The following MACROD2 variants were observed in gnomAD, a reference collection of about 807,000 sequenced individuals.
MACROD2 encodes the protein ADP-ribose glycohydrolase MACROD2.
In MACROD2, 36 loss-of-function variants were observed where a neutral mutation model predicts 70.4. The observed-to-expected ratio is 0.51, with a 90% CI of 0.39 to 0.68. MACROD2 has a LOEUF of 0.68. Ranked by LOEUF, MACROD2 falls within the 30% of genes least tolerant of loss-of-function variation. The pLI is 0.00. For missense variants in MACROD2, 496 were observed against 538.4 expected (o/e 0.92, Z 0.78); for synonymous variants, 172 against 178.8 (o/e 0.96, Z 0.30).
chr20:14,115,724 G>C (rs1417618160), intron 3 of MACROD2, among the ~76,000 whole-genome samples: 1 of 152,152 alleles, frequency 6.6e-6, no homozygotes, highest in Admixed American at 6.5e-5. Flanking sequence ...GTGAAATTGA[G>C]ATTTGTGTAT....
intron 4 of MACROD2, among the ~76,000 whole-genome samples, chr20:14,510,689 ACT>A (rs372584851): frequency 1.2e-4 from 18 of 152,000 alleles, no homozygotes; most frequent in African/African-American, 4.1e-4. Context: ...TCTTCATCTG[ACT>A]CTCTATTCTT....
At chr20:14,316,486 C>T (rs1180555734) in intron 3 of MACROD2, among the ~76,000 whole-genome samples, 2 of 152,188 alleles carry the variant, frequency 1.3e-5, no homozygotes, top group African/African-American at 4.8e-5. Context: ...AGCCCATGGG[C>T]CACAGGCAGC....
At chr20:15,946,783 C>G (rs1230110598) in intron 12 of MACROD2, among the ~76,000 whole-genome samples, 1 of 152,140 alleles carries the variant, frequency 6.6e-6, no homozygotes, top group African/African-American at 2.4e-5. Context: ...GCCCAGGGGA[C>G]CAGCACTCAG....
intron 5 of MACROD2, among the ~76,000 whole-genome samples, chr20:14,862,806 C>G (rs1217660611): frequency 7.0e-6 from 1 of 143,826 alleles, no homozygotes; most frequent in South Asian, 2.2e-4. Context: ...CCAGTCCTTC[C>G]TAATGGGCAC....
At chr20:14,045,064 CTTG>C (rs1268708484) in intron 2 of MACROD2, among the ~76,000 whole-genome samples, 1 of 152,220 alleles carries the variant, frequency 6.6e-6, no homozygotes, top group Non-Finnish European at 1.5e-5. Flanking sequence ...TGCGGGCCGG[CTTG>C]CCGCTCCGAG....
intron 3 of MACROD2, among the ~76,000 whole-genome samples, chr20:14,153,247 A>C (rs1362801367): frequency 6.6e-6 from 1 of 152,212 alleles, no homozygotes; most frequent in Non-Finnish European, 1.5e-5. Flanking sequence ...TGAAAAGAAA[A>C]CAATCTTTTC....
chr20:14,147,785 A>C (rs968582793), intron 3 of MACROD2, among the ~76,000 whole-genome samples: 1 of 152,176 alleles, frequency 6.6e-6, no homozygotes, highest in East Asian at 1.9e-4. Context: ...AGATCATTTG[A>C]AAAACAGTCA....
intron 3 of MACROD2, among the ~76,000 whole-genome samples, chr20:14,396,407 A>C (rs575391231): frequency 1.5e-4 from 23 of 152,222 alleles, no homozygotes; most frequent in Non-Finnish European, 3.1e-4. Flanking sequence ...TAGGCATAAA[A>C]GTCTAGGATA....
chr20:15,410,330 G>A (rs1435597485), intron 6 of MACROD2, among the ~76,000 whole-genome samples: 2 of 152,114 alleles, frequency 1.3e-5, no homozygotes, highest in African/African-American at 4.8e-5. Flanking sequence ...ATTAATTTTT[G>A]AGCAGATAGT....
At chr20:15,538,788 A>G (rs1442099799) in intron 8 of MACROD2, among the ~76,000 whole-genome samples, 1 of 152,184 alleles carries the variant, frequency 6.6e-6, no homozygotes, top group African/African-American at 2.4e-5. Flanking sequence ...TCAATACTGT[A>G]GTTTGAATAT....
chr20:15,456,358 T>A (rs1045714409), intron 7 of MACROD2, among the ~76,000 whole-genome samples: 10 of 152,176 alleles, frequency 6.6e-5, no homozygotes, highest in African/African-American at 2.4e-4. Context: ...AGTTTGGAGT[T>A]CTCTTCTGCT....
At chr20:14,842,813 T>G (rs975048328) in intron 5 of MACROD2, among the ~76,000 whole-genome samples, 10 of 152,116 alleles carry the variant, frequency 6.6e-5, no homozygotes, top group African/African-American at 2.2e-4. Context: ...CACTGAAGTC[T>G]TCAGTGAAAC....
At chr20:14,125,009 A>T (rs1455787560) in intron 3 of MACROD2, among the ~76,000 whole-genome samples, 6 of 152,178 alleles carry the variant, frequency 3.9e-5, no homozygotes, top group Non-Finnish European at 8.8e-5. Context: ...TACAATGTAG[A>T]TGAATCTCAA....
In MACROD2 at chr20:14,603,580, G is replaced by A. The variant is rs527628143; in HGVS notation, c.302-81263G>A. ...AATTCTTAATTATAAAGGAAGGATG[G>A]TTGGTAAGAAAAATGGGTAATGATT... On this transcript the variant is annotated intron_variant, in intron 4 of 17. Coordinates refer to ENST00000684519, the MANE Select transcript of MACROD2 (RefSeq NM_001351661.2). 7.2e-5 allele frequency among the ~76,000 whole-genome samples: 11 copies of A among 152,270 alleles called. 1 individual carries two copies. The South Asian group carries it at 2.3e-3, about 32-fold the overall frequency.
At chr20:15,110,103 T>G (rs1170901688) in intron 5 of MACROD2, among the ~76,000 whole-genome samples, 2 of 152,208 alleles carry the variant, frequency 1.3e-5, no homozygotes, top group East Asian at 1.9e-4. Context: ...GTCTAGTGAG[T>G]GAGTGCAGCT....
intron 8 of MACROD2, among the ~76,000 whole-genome samples, chr20:15,854,036 C>A (rs1383442518): frequency 6.6e-6 from 1 of 152,104 alleles, no homozygotes; most frequent in African/African-American, 2.4e-5. Context: ...CTCCAAGATG[C>A]CAATATGATC....
intron 8 of MACROD2, among the ~76,000 whole-genome samples, chr20:15,812,906 A>G (rs1166421119): frequency 6.6e-6 from 1 of 152,216 alleles, no homozygotes; most frequent in African/African-American, 2.4e-5. Context: ...TATGACAGAG[A>G]AATGTGAATA....
intron 15 of MACROD2, among the ~76,000 whole-genome samples, chr20:16,024,880 G>GT (rs1458824438): frequency 6.6e-6 from 1 of 152,088 alleles, no homozygotes; most frequent in South Asian, 2.1e-4. Context: ...ACTCTGCTGG[G>GT]TTTTTTTCCT....
intron 5 of MACROD2, among the ~76,000 whole-genome samples, chr20:14,766,727 T>A (rs147444951): frequency 6.6e-6 from 1 of 152,236 alleles, no homozygotes; most frequent in South Asian, 2.1e-4. Flanking sequence ...TAAATTAGTT[T>A]GTCATCTCAA....
Sources: gnomAD v4.1 joint callset for allele counts (sites outside exome capture counted in the v4.1 genomes callset) on GRCh38, gnomAD v4.1.1 for gene constraint, MANE v1.5 for transcripts, NCBI Gene and HGNC (gene_info 2026-07-23, HGNC 2026-07-21) for gene names.